FHIT: variants seen among roughly 807,000 people sequenced by gnomAD.
FHIT encodes the protein bis(5'-adenosyl)-triphosphatase.
FHIT carries 19 observed loss-of-function variants against 17.9 expected under a neutral mutation model. The ratio of observed to expected loss-of-function variants is 1.06; its 90% CI spans 0.74 to 1.56. The LOEUF is 1.56. FHIT is among the 40% of genes most tolerant of loss of function. FHIT has a pLI of 0.00. For missense variants in FHIT, 248 were observed against 189.2 expected (o/e 1.31, Z -1.82); for synonymous variants, 81 against 69.7 (o/e 1.16, Z -0.81).
At chr3:60,491,672 G>A (rs866414675) in intron 5 of FHIT, among the ~76,000 whole-genome samples, 45 of 152,178 alleles carry the variant, frequency 3.0e-4, no homozygotes, top group Middle Eastern at 3.4e-3. Flanking sequence ...GAGTGCTTTC[G>A]TTCTGTATGA....
intron 1 of FHIT, among the ~76,000 whole-genome samples, chr3:61,226,425 G>T (rs1041150968): frequency 3.9e-5 from 6 of 152,004 alleles, no homozygotes; most frequent in African/African-American, 1.4e-4. Context: ...GATAGTCCAG[G>T]AAGAAAAATA....
chr3:59,932,913 G>A (rs1473567772), intron 7 of FHIT, among the ~76,000 whole-genome samples: 2 of 151,958 alleles, frequency 1.3e-5, no homozygotes, highest in Admixed American at 6.6e-5. Flanking sequence ...TTTGCTCCTT[G>A]GGCTTCCTCC....
intron 5 of FHIT, among the ~76,000 whole-genome samples, chr3:60,404,262 G>A (rs1576604231): frequency 6.6e-6 from 1 of 152,072 alleles, no homozygotes; most frequent in Non-Finnish European, 1.5e-5. Context: ...CCAGTAACAA[G>A]AACAATGGAG....
intron 4 of FHIT, among the ~76,000 whole-genome samples, chr3:60,761,941 C>T (rs782021645): frequency 6.6e-6 from 1 of 151,244 alleles, no homozygotes; most frequent in African/African-American, 2.4e-5. Flanking sequence ...AAAAGTAATG[C>T]CCAGCAAATT....
At chr3:60,071,612 A>G (rs1409403628) in intron 5 of FHIT, among the ~76,000 whole-genome samples, 2 of 152,122 alleles carry the variant, frequency 1.3e-5, no homozygotes, top group Non-Finnish European at 1.5e-5. Context: ...TTGAATGTCT[A>G]TCTGTTTATG....
chr3:60,561,918 AAG>A (rs2036963888), intron 4 of FHIT, among the ~76,000 whole-genome samples: 2 of 151,484 alleles, frequency 1.3e-5, no homozygotes, highest in African/African-American at 2.4e-5. Flanking sequence ...AAGAGAGAGA[AAG>A]AGAGAAAGAA....
At chr3:60,244,815 G>A (rs71313757) in intron 5 of FHIT, among the ~76,000 whole-genome samples, 15,638 of 152,032 alleles carry the variant, frequency 0.1, 1,046 homozygotes, top group South Asian at 0.19. Context: ...TTTGATCAGC[G>A]TGGCTTTTAA....
chr3:60,009,198 T>C (rs1004534885), intron 7 of FHIT, among the ~76,000 whole-genome samples: 26 of 149,306 alleles, frequency 1.7e-4, no homozygotes, highest in African/African-American at 5.2e-4. Context: ...TGTGTGTGTG[T>C]GTGTGTGTGT....
At chr3:60,951,677 G>T (rs1266734030) in intron 3 of FHIT, among the ~76,000 whole-genome samples, 2 of 152,148 alleles carry the variant, frequency 1.3e-5, no homozygotes, top group African/African-American at 4.8e-5. Flanking sequence ...GAGCAAACGG[G>T]AAATGGGTTA....
At chr3:60,983,138 TG>T (rs1710566080) in intron 3 of FHIT, among the ~76,000 whole-genome samples, 1 of 46,110 alleles carries the variant, frequency 2.2e-5, no homozygotes, top group African/African-American at 9.6e-5. Context: ...TTCTCTCTTG[TG>T]TGTGTGTGTG....
At chr3:60,593,907 A>G (rs2038175124) in intron 4 of FHIT, among the ~76,000 whole-genome samples, 1 of 152,138 alleles carries the variant, frequency 6.6e-6, no homozygotes, top group Admixed American at 6.6e-5. Context: ...GGCTGCATTA[A>G]TATTTCTAAG....
At chr3:60,289,269 T>A (rs947104744) in intron 5 of FHIT, among the ~76,000 whole-genome samples, 3 of 152,220 alleles carry the variant, frequency 2.0e-5, no homozygotes, top group East Asian at 1.9e-4. Context: ...ACTCATTTCA[T>A]TGGACATATA....
At chr3:60,941,217 G>A (rs1374739416) in intron 3 of FHIT, among the ~76,000 whole-genome samples, 1 of 152,194 alleles carries the variant, frequency 6.6e-6, no homozygotes, top group Non-Finnish European at 1.5e-5. Context: ...GCTAGTGGCT[G>A]TTGTGTGGGA....
chr3:60,985,292 T>G (rs1710671638), intron 3 of FHIT, among the ~76,000 whole-genome samples: 1 of 152,194 alleles, frequency 6.6e-6, no homozygotes, highest in African/African-American at 2.4e-5. Context: ...TCTTCCTTCA[T>G]GCTGGAATGT....
intron 5 of FHIT, among the ~76,000 whole-genome samples, chr3:60,103,431 T>G: frequency 6.6e-6 from 1 of 152,142 alleles, no homozygotes. Context: ...CTTTTACACG[T>G]TTTAGACAAA....
intron 8 of FHIT, among the ~76,000 whole-genome samples, chr3:59,870,870 T>TCTGC (rs1553701991): frequency 7.5e-5 from 6 of 79,746 alleles, no homozygotes; most frequent in African/African-American, 1.4e-4. Flanking sequence ...TGTGTGTGTG[T>TCTGC]GTGCGTGTGT....
chr3:59,943,902 C>G (rs1470084802), intron 7 of FHIT, among the ~76,000 whole-genome samples: 1 of 152,174 alleles, frequency 6.6e-6, no homozygotes, highest in African/African-American at 2.4e-5. Context: ...CTTCATATCT[C>G]CAGATTCCAG....
chr3:60,169,321 G>T (rs1482428306), intron 5 of FHIT, among the ~76,000 whole-genome samples: 1 of 152,112 alleles, frequency 6.6e-6, no homozygotes, highest in African/African-American at 2.4e-5. Context: ...AAACAGTGTG[G>T]TTATTCCGGG....
intron 5 of FHIT, among the ~76,000 whole-genome samples, chr3:60,505,446 G>A (rs148903884): frequency 2.2e-4 from 33 of 152,228 alleles, no homozygotes; most frequent in African/African-American, 7.9e-4. Flanking sequence ...GAAAAGATAT[G>A]TTAGTTATTA....
Sources: allele counts gnomAD v4.1 joint callset (sites outside exome capture counted in the v4.1 genomes callset), GRCh38; gene constraint gnomAD v4.1.1; transcripts MANE v1.5; gene names NCBI Gene and HGNC (gene_info 2026-07-23, HGNC 2026-07-21).